UST: variants seen among roughly 807,000 people sequenced by gnomAD.
UST encodes the protein uronyl 2-sulfotransferase.
In UST, 21 loss-of-function variants were observed where a neutral mutation model predicts 45.6. That is an observed-to-expected ratio of 0.46 (90% CI 0.33 to 0.66). The LOEUF is 0.66. Ranked by LOEUF, UST falls within the 30% of genes least tolerant of loss-of-function variation. UST has a pLI of 0.02. For missense variants in UST, 463 were observed against 512.4 expected, an observed-to-expected ratio of 0.90 and a Z score of 0.93; for synonymous variants, 215 against 200.6, an observed-to-expected ratio of 1.07 and a Z score of -0.61.
chr6:148,862,654 T>TTTAGGGCTTCCTTCGGGAGC (rs1486196499), intron 1 of UST, among the ~76,000 whole-genome samples: 11 of 152,266 alleles, frequency 7.2e-5, no homozygotes, highest in Admixed American at 2.0e-4. Context: ...CCTTTCCATG[T>TTTAGGGCTTCCTTCGGGAGC]TTAGGGCTTC....
At chr6:148,983,330 C>T (rs1307120480) in intron 5 of UST, among the ~76,000 whole-genome samples, 1 of 152,132 alleles carries the variant, frequency 6.6e-6, no homozygotes, top group East Asian at 1.9e-4. Flanking sequence ...CCGTCATTGG[C>T]ACAGTAGAAT....
At chr6:149,031,882 G>A (rs1038149646) in intron 7 of UST, among the ~76,000 whole-genome samples, 14 of 152,240 alleles carry the variant, frequency 9.2e-5, no homozygotes, top group South Asian at 2.1e-4. Context: ...ATTTGTGCCC[G>A]GCCTTAAAGG....
rs146269959 is a variant in UST, at chr6:148,966,842, T to G, written c.681+2279T>G. 7.7e-3 allele frequency among the ~76,000 whole-genome samples: 1,166 copies of G among 152,340 alleles called. 21 individuals carry two copies. Among genetic ancestry groups the G allele is most frequent in the African/African-American group, 0.027 (1,102 of 41,576 alleles). On this transcript the variant is annotated intron_variant, in intron 5 of 7. Coordinates refer to ENST00000367463, the MANE Select transcript of UST (RefSeq NM_005715.3). The stretch of plus-strand genomic sequence containing the variant: ...ACCTCCACCTCCGGGGTTCAAGCGA[T>G]TCTCCTGCTTCAGCCTCCCCAGCAG...
chr6:148,955,980 T>G (rs894406735), intron 4 of UST: 1 of 152,262 alleles, frequency 6.6e-6, no homozygotes, highest in Non-Finnish European at 1.5e-5. Flanking sequence ...TTAGTCTTCA[T>G]TTAATTCTGA....
chr6:148,977,668 T>C lies in UST; in HGVS notation c.681+13105T>C, dbSNP rs574664188. 1.3e-4 allele frequency among the ~76,000 whole-genome samples: 19 copies of C among 146,122 alleles called. No individual in the cohort carries two copies. In the South Asian group the frequency reaches 3.8e-3, roughly 29 times the overall value. On this transcript the variant is annotated intron_variant, in intron 5 of 7. Transcript: ENST00000367463. ...TCGGGAGGCTGAGGCAGGAGAATGG[T>C]GTGAACTCGGGAGGTGGAGCTTGCA... is the stretch of plus-strand genomic sequence containing the variant.
At position 149,050,621 on chromosome 6, in the gene UST, A is replaced by G. The variant is rs75950585; in HGVS notation, c.938-23212A>G. ...TTGAGGAGTGAAGTTTAGGCTTGATATTTTTCAATAAAGTATATTCCTCAT... is the reference window on the plus strand; with the variant it reads ...TTGAGGAGTGAAGTTTAGGCTTGATGTTTTTCAATAAAGTATATTCCTCAT... On this transcript the variant is annotated intron_variant, in intron 7 of 7. Transcript: ENST00000367463. Among the ~76,000 whole-genome samples, 196 of 152,290 alleles carry G rather than the reference A, an allele frequency of 1.3e-3. 1 individual carries two copies. Among genetic ancestry groups the G allele is most frequent in the African/African-American group, 4.6e-3 (191 of 41,554 alleles).
At chr6:148,820,745 C>T (rs909422520) in intron 1 of UST, among the ~76,000 whole-genome samples, 1 of 150,390 alleles carries the variant, frequency 6.6e-6, no homozygotes, top group Non-Finnish European at 1.5e-5. Flanking sequence ...CCCAGCTACT[C>T]AGGAGGCTGA....
intron 5 of UST, among the ~76,000 whole-genome samples, chr6:149,009,580 CACATAG>C (rs1264120631): frequency 1.5e-4 from 22 of 142,082 alleles, no homozygotes; most frequent in Non-Finnish European, 2.4e-4. Context: ...CACACACACA[CACATAG>C]ACAGACACAC....
At chr6:148,988,499 G>C (rs1025051858) in intron 5 of UST, among the ~76,000 whole-genome samples, 44 of 151,242 alleles carry the variant, frequency 2.9e-4, no homozygotes, top group African/African-American at 1.0e-3. Flanking sequence ...GCTTGAACTT[G>C]GGAGGTGGAG....
intron 2 of UST, among the ~76,000 whole-genome samples, chr6:148,905,203 G>A (rs897504253): frequency 3.5e-4 from 53 of 152,344 alleles, no homozygotes; most frequent in African/African-American, 1.3e-3. Context: ...GGAGTGGCCT[G>A]TTTTCCAAAC....
At chr6:148,882,817 G>A (rs1417889985) in intron 1 of UST, among the ~76,000 whole-genome samples, 3 of 152,166 alleles carry the variant, frequency 2.0e-5, no homozygotes, top group Non-Finnish European at 4.4e-5. Context: ...CTGCCAAGTA[G>A]TAAACACTCA....
chr6:148,906,977 T>C (rs1439977312), intron 2 of UST, among the ~76,000 whole-genome samples: 1 of 152,220 alleles, frequency 6.6e-6, no homozygotes, highest in Non-Finnish European at 1.5e-5. Context: ...CAAAAGTGTG[T>C]GTTCTGACCA....
intron 2 of UST, among the ~76,000 whole-genome samples, chr6:148,913,542 C>T (rs1282192050): frequency 6.9e-6 from 1 of 144,984 alleles, no homozygotes; most frequent in African/African-American, 2.6e-5. Context: ...ATGAATGTCC[C>T]TAAATGTTTT....
chr6:149,005,731 G>C, intron 5 of UST: 1 of 638,062 alleles, frequency 1.6e-6, no homozygotes, highest in Non-Finnish European at 1.9e-6. Context: ...TCTTCTGTGT[G>C]CATTAATTTA....
chr6:148,896,664 A>C (rs951586643), intron 2 of UST, among the ~76,000 whole-genome samples: 6 of 152,148 alleles, frequency 3.9e-5, no homozygotes, highest in African/African-American at 1.4e-4. Flanking sequence ...TCCAAACACA[A>C]AAAAAATGAA....
intron 1 of UST, among the ~76,000 whole-genome samples, chr6:148,841,996 C>T (rs200356922): frequency 1.3e-5 from 2 of 152,142 alleles, no homozygotes; most frequent in East Asian, 3.9e-4. Context: ...ATCCCAGCTC[C>T]TCAGGAGGCT....
At chr6:149,073,234 G>A (rs963611597) in intron 7 of UST, among the ~76,000 whole-genome samples, 5 of 152,256 alleles carry the variant, frequency 3.3e-5, no homozygotes, top group African/African-American at 7.2e-5. Context: ...TCTTGATGCC[G>A]AGACCAGTCT....
At chr6:148,974,610 G>C (rs1780981913) in intron 5 of UST, among the ~76,000 whole-genome samples, 1 of 152,180 alleles carries the variant, frequency 6.6e-6, no homozygotes, top group Non-Finnish European at 1.5e-5. Flanking sequence ...ACAGCCTCTA[G>C]AACAAACCGC....
intron 2 of UST, among the ~76,000 whole-genome samples, chr6:148,896,224 G>T (rs755456891): frequency 4.6e-5 from 7 of 152,172 alleles, no homozygotes; most frequent in Admixed American, 2.6e-4. Flanking sequence ...ACTTTTACTT[G>T]CAAGAGTAGA....
Sources: allele counts gnomAD v4.1 joint callset (sites outside exome capture counted in the v4.1 genomes callset), GRCh38; gene constraint gnomAD v4.1.1; transcripts MANE v1.5; gene names NCBI Gene and HGNC (gene_info 2026-07-23, HGNC 2026-07-21).